Variants in TASOR2 observed in about 807,000 individuals in gnomAD.
TASOR2 encodes the protein transcription activation suppressor family member 2.
A neutral mutation model predicts 199.5 loss-of-function variants in TASOR2; 84 were observed. The observed-to-expected ratio is 0.42, with a 90% CI of 0.35 to 0.50. The LOEUF is 0.50. Among genes scored for constraint, TASOR2 ranks in the 20% least tolerant of loss-of-function variants. TASOR2 has a pLI of 0.02. For missense variants in TASOR2, 2,796 were observed against 2,835.9 expected (o/e 0.99, Z 0.32); for synonymous variants, 1,103 against 1,046.6 (o/e 1.05, Z -1.04).
chr10:5,761,671 A>G (rs1246709350), intron 19 of TASOR2, 200 bp downstream of exon 20: 5 of 572,770 alleles, frequency 8.7e-6, no homozygotes, highest in Non-Finnish European at 1.5e-5. Flanking sequence ...CCTCCTATGT[A>G]TGTAAGTCAG....
chr10:5,730,662 A>G lies in TASOR2; in HGVS notation c.663A>G (p.Ser221=). The G allele has an allele frequency of 2.5e-6, 4 of 1,614,232 alleles. No individual in the cohort carries two copies. Among genetic ancestry groups the G allele is most frequent in the Non-Finnish European group, 2.5e-6 (3 of 1,180,034 alleles). Residue 221 remains serine, a synonymous_variant, in exon 11 of 21, where the codon TCA becomes TCG. Coordinates refer to ENST00000328090, the Ensembl canonical transcript of TASOR2. This position sits in a 1 kb window ranked among gnomAD's most constrained non-coding sequence, Gnocchi z 4.1. ...TGTACAAGGCGGACAGAAGCCCTTCATTGAGTGTTGCTCCTCAGGATAGAA... is the reference window on the plus strand; with the variant it reads ...TGTACAAGGCGGACAGAAGCCCTTCGTTGAGTGTTGCTCCTCAGGATAGAA...
At position 5,686,832 on chromosome 10, in the gene TASOR2, G is replaced by A. The variant is rs547031168; in HGVS notation, c.-288+1657G>A. On this transcript the variant is annotated intron_variant, in intron 1 of 20. Coordinates refer to ENST00000328090, the Ensembl canonical transcript of TASOR2. Reference sequence around the variant, plus strand: ...TTGAGTCTGAGCTCTCTTTTCTTTCGCCCATGTAACTATTACTGTAGCATT... The same window carrying A: ...TTGAGTCTGAGCTCTCTTTTCTTTCACCCATGTAACTATTACTGTAGCATT... Among the ~76,000 whole-genome samples, 157 of 152,060 alleles carry A rather than the reference G, an allele frequency of 1.0e-3. 1 individual carries two copies. The highest frequency in any genetic ancestry group is 3.6e-3 in the African/African-American group (148 of 41,466).
In TASOR2 at chr10:5,720,400, A is replaced by G; in HGVS notation, c.-99-144A>G. 8.7e-6 allele frequency: 12 copies of G among 1,382,872 alleles called. No homozygotes were observed. The South Asian group carries it at 9.5e-5, about 11-fold the overall frequency. The allele number at this position is 1,382,872 out of a possible 1,614,324, so 85.7% of individuals were successfully genotyped here. A position where few individuals can be genotyped will look rare whatever the true frequency, so the allele number is the denominator to read the frequency against. On this transcript the variant is annotated intron_variant, in intron 3 of 20. Transcript: ENST00000328090. This position sits in a 1 kb window ranked among gnomAD's most constrained non-coding sequence, Gnocchi z 5.3. ...TTCGTGCCTTTGAACTGAGTCAGGT[A>G]TAGTTACCTGTGAATGAGTAACACC...
chr10:5,761,511 T>C (rs779902288), intron 19 of TASOR2, 40 bp downstream of exon 20: 1 of 1,581,436 alleles, frequency 6.3e-7, no homozygotes, highest in Non-Finnish European at 8.6e-7. Flanking sequence ...ATGCCAAAAT[T>C]GGTCAGCTCT....
Position 5,736,373 on chromosome 10 carries a change from G to A in TASOR2, c.1447+827G>A, listed in dbSNP as rs570680898. On this transcript the variant is annotated intron_variant, in intron 12 of 20. Coordinates refer to ENST00000328090, the Ensembl canonical transcript of TASOR2. ...GCAGAGGTTGTGGTGAGCCGAGATC[G>A]CGCCACTGCACTCCAGTCTGGGCGA... Among the ~76,000 whole-genome samples the A allele has an allele frequency of 4.6e-5, 7 of 151,922 alleles. No individual in the cohort carries two copies. The East Asian group carries it at 5.8e-4, about 13-fold the overall frequency.
chr10:5,724,394 TA>T, intron 7 of TASOR2, 35 bp from the exon 9 acceptor site: 1 of 1,133,290 alleles, frequency 8.8e-7, no homozygotes. Flanking sequence ...AATAGCGTAT[TA>T]AAAATAAGAA....
In TASOR2 at chr10:5,737,961, A is replaced by G. The variant is rs1835857854; in HGVS notation, c.1448-1657A>G. ...CCACATTCCAAGTTAACATTTTTGA[A>G]TGACTACATTTAAATCTCTGAATTT... On this transcript the variant is annotated intron_variant, in intron 12 of 20. Coordinates refer to ENST00000328090, the Ensembl canonical transcript of TASOR2. The surrounding 1 kb of genome is among the most constrained non-coding windows in gnomAD (Gnocchi z 4.9). Among the ~76,000 whole-genome samples, 1 of 152,252 alleles carries G rather than the reference A, an allele frequency of 6.6e-6. No individual in the cohort carries two copies.
chr10:5,692,482 G>C (rs898918278), intron 1 of TASOR2, among the ~76,000 whole-genome samples: 1 of 152,108 alleles, frequency 6.6e-6, no homozygotes, highest in Admixed American at 6.5e-5. Context: ...AAGAACTCGG[G>C]GGCAGTTGGC....
At chr10:5,702,914 A>G (rs1838082153) in intron 1 of TASOR2, among the ~76,000 whole-genome samples, 1 of 152,220 alleles carries the variant, frequency 6.6e-6, no homozygotes, top group Admixed American at 6.5e-5. Flanking sequence ...AGGTTGGTGC[A>G]GAATAACAGA....
chr10:5,735,575 A>G (rs1835454349), intron 12 of TASOR2, 29 bp downstream of exon 13: 2 of 1,601,586 alleles, frequency 1.2e-6, no homozygotes, highest in South Asian at 1.1e-5. Flanking sequence ...ATAAATTTAA[A>G]CACCCCAATA....
At chr10:5,715,069 T>C (rs888084037) in intron 2 of TASOR2, among the ~76,000 whole-genome samples, 2 of 152,198 alleles carry the variant, frequency 1.3e-5, no homozygotes, top group East Asian at 1.9e-4. Context: ...TCAAGAGCAG[T>C]CTGTTACCTG....
intron 10 of TASOR2, among the ~76,000 whole-genome samples, chr10:5,728,561 G>A (rs1588759939): frequency 6.6e-6 from 1 of 151,934 alleles, no homozygotes; most frequent in African/African-American, 2.4e-5. Flanking sequence ...ATTGGAACCC[G>A]GGAGGCAGAG....
chr10:5,748,733 C>G lies in TASOR2; in HGVS notation c.5312C>G (p.Pro1771Arg). The G allele has an allele frequency of 1.2e-6, 2 of 1,614,170 alleles. No individual in the cohort carries two copies. Among genetic ancestry groups the G allele is most frequent in the African/African-American group, 1.3e-5 (1 of 75,044 alleles). ...ACCAAGGAAAACCTCAGTAAAGAGC[C>G]TTTGGCCTCCTTTGTTTCAGAATCC... The change falls in exon 15 of 21, where the codon CCT becomes CGT. Residue 1771 changes from proline to arginine, a missense_variant. Pro to Arg is a moderately radical substitution (Grantham distance 103). Around this residue, in one of 3 missense-constraint regions of TASOR2, gnomAD observed 1,941 missense variants for 1,924.9 expected, o/e 1.01. Transcript: ENST00000328090. This position sits in a 1 kb window ranked among gnomAD's most constrained non-coding sequence, Gnocchi z 5.1.
rs1838480667 is a variant in TASOR2, at chr10:5,754,097, G to A, written c.6607-2516G>A. Among the ~76,000 whole-genome samples the A allele has an allele frequency of 6.6e-6, 1 of 152,126 alleles. No individual in the cohort carries two copies. Among genetic ancestry groups the A allele is most frequent in the African/African-American group, 2.4e-5 (1 of 41,428 alleles). On this transcript the variant is annotated intron_variant, in intron 15 of 20. Transcript: ENST00000328090. This position sits in a 1 kb window ranked among gnomAD's most constrained non-coding sequence, Gnocchi z 4.3. Reference sequence around the variant, plus strand: ...AGGCAGGTGGATCACCTGAAGTCAGGAGTTGGAGACCAGCCTAGCCAATAT... The same window carrying A: ...AGGCAGGTGGATCACCTGAAGTCAGAAGTTGGAGACCAGCCTAGCCAATAT...
rs1831790426 is a variant in TASOR2, at chr10:5,710,613, T to G, written c.-287-2210T>G. Among the ~76,000 whole-genome samples, 1 of 152,104 alleles carries G rather than the reference T, an allele frequency of 6.6e-6. No homozygotes were observed. The highest frequency in any genetic ancestry group is 1.5e-5 in the Non-Finnish European group (1 of 67,946). ...ACCATCTCTTCAGTTTTCAGTTCAT[T>G]ATTGTGCATTATGATGCTCAAAAAT... On this transcript the variant is annotated intron_variant, in intron 1 of 20. Transcript: ENST00000328090. The surrounding 1 kb of genome is among the most constrained non-coding windows in gnomAD (Gnocchi z 4.6).
At chr10:5,688,959 T>C (rs920858039) in intron 1 of TASOR2, among the ~76,000 whole-genome samples, 2 of 152,138 alleles carry the variant, frequency 1.3e-5, no homozygotes, top group African/African-American at 2.4e-5. Flanking sequence ...GCCATCATCA[T>C]GCCACTGCAC....
At chr10:5,713,097 A>G (rs1312966373) in intron 2 of TASOR2, among the ~76,000 whole-genome samples, 179 bp downstream of exon 2, 4 of 152,206 alleles carry the variant, frequency 2.6e-5, no homozygotes, top group Non-Finnish European at 5.9e-5. Context: ...TTTGATTTCT[A>G]CAACTTTTCA....
At position 5,750,126 on chromosome 10, in the gene TASOR2, A is replaced by G; in HGVS notation, c.6606+99A>G. ...TTAGCCATCAAAAAGAAATCATGGT[A>G]TGACATAGTATTTAAATTTCACAGC... On this transcript the variant is annotated intron_variant, in intron 15 of 20. Transcript: ENST00000328090. The surrounding 1 kb of genome is among the most constrained non-coding windows in gnomAD (Gnocchi z 5.4). 7.8e-7 allele frequency: 1 copy of G among 1,282,342 alleles called. No individual in the cohort carries two copies. The highest frequency in any genetic ancestry group is 1.0e-6 in the Non-Finnish European group (1 of 959,428). 79.4% of individuals were successfully genotyped at this position (1,282,342 alleles called of 1,614,324 possible).
intron 16 of TASOR2, among the ~76,000 whole-genome samples, chr10:5,757,233 GC>G (rs1412986881): frequency 6.6e-6 from 1 of 152,290 alleles, no homozygotes; most frequent in East Asian, 1.9e-4. Context: ...ACTTTTCAGT[GC>G]CCACAACCTC....
Sources: allele counts gnomAD v4.1 joint callset (sites outside exome capture counted in the v4.1 genomes callset), GRCh38; gene constraint gnomAD v4.1.1; regional missense constraint gnomAD v4.1.1; non-coding constraint Gnocchi (gnomAD v3.1); transcripts MANE v1.5; gene names NCBI Gene and HGNC (gene_info 2026-07-23, HGNC 2026-07-21).